The following WDR82 variants were observed in gnomAD, a reference collection of about 807,000 sequenced individuals.
The protein encoded by WDR82 is WD repeat domain 82.
A neutral mutation model predicts 36.1 loss-of-function variants in WDR82; 8 were observed. That is an observed-to-expected ratio of 0.22 (90% CI 0.13 to 0.40). The LOEUF (loss-of-function observed/expected upper bound fraction) is 0.40, where lower values mean the gene tolerates loss of function less well. Among genes scored for constraint, WDR82 ranks in the 10% least tolerant of loss-of-function variants. The probability of loss-of-function intolerance (pLI) is 1.00; values close to 1 mark genes in which losing one functional copy is unlikely to be tolerated. For missense variants in WDR82, 185 were observed against 400.5 expected (o/e 0.46, Z 4.59); for synonymous variants, 129 against 137.8 (o/e 0.94, Z 0.45).
In WDR82 at chr3:52,278,191, C is replaced by T; in HGVS notation, c.161+10G>A. The T allele has an allele frequency of 6.3e-7, 1 of 1,588,754 alleles. No homozygotes were observed. Among genetic ancestry groups the T allele is most frequent in the East Asian group, 2.4e-5 (1 of 41,976 alleles). ...CTGAGACTCGGGCCCAGGGCCTCCG[C>T]CGCACTCACTTGCCCTCCTGGCAGT... is the stretch of plus-strand genomic sequence containing the variant. On this transcript the variant is annotated intron_variant, in intron 1 of 8. Transcript: ENST00000296490.
intron 1 of WDR82, among the ~76,000 whole-genome samples, chr3:52,272,323 T>A (rs1477059170): frequency 6.6e-6 from 1 of 151,890 alleles, no homozygotes; most frequent in African/African-American, 2.4e-5. Context: ...GAGGGTGGAT[T>A]GCCTGAGGTC....
chr3:52,260,451 C>A lies in WDR82; in HGVS notation c.477G>T (p.Gly159=). Residue 159 remains glycine, a synonymous_variant, in exon 5 of 9, where the codon GGG becomes GGT. Coordinates refer to ENST00000296490, the MANE Select transcript of WDR82 (RefSeq NM_025222.4). ...AGTTGACACCTGCAGCGAAAATTAACCCTTCTGGATCAAAAGAACAAACTG... is the reference window on the plus strand; with the variant it reads ...AGTTGACACCTGCAGCGAAAATTAAACCTTCTGGATCAAAAGAACAAACTG... ...GKPVCSFDPE[G]LIFAAGVNSE... 6.3e-7 allele frequency: 1 copy of A among 1,593,668 alleles called. No individual in the cohort carries two copies. Among genetic ancestry groups the A allele is most frequent in the Non-Finnish European group, 8.5e-7 (1 of 1,172,992 alleles).
chr3:52,278,009 G>A, intron 1 of WDR82, 192 bp downstream of exon 1: 1 of 453,624 alleles, frequency 2.2e-6, no homozygotes, highest in South Asian at 4.5e-5. Context: ...TATGACTATC[G>A]TTATCTTTTT....
rs1300096078 is a variant in WDR82, at chr3:52,278,602, C to G, written c.-241G>C. On this transcript the variant is annotated 5_prime_UTR_variant, in exon 1 of 9. Transcript: ENST00000296490. ...GCCACCTCACGGACAACCGGCGCGT[C>G]GCCGGCTCATTGTGTCCGCCATTTT... is the stretch of plus-strand genomic sequence containing the variant. 3.2e-5 allele frequency: 13 copies of G among 402,896 alleles called. No homozygotes were observed. Among genetic ancestry groups the G allele is most frequent in the Non-Finnish European group, 5.2e-5 (12 of 230,428 alleles). 25.0% of individuals were successfully genotyped at this position (402,896 alleles called of 1,614,324 possible).
intron 3 of WDR82, among the ~76,000 whole-genome samples, chr3:52,262,663 A>G (rs1457086765): frequency 6.6e-6 from 1 of 152,234 alleles, no homozygotes; most frequent in Non-Finnish European, 1.5e-5. Context: ...GCTAACAGCA[A>G]CTGTATTCCT....
chr3:52,266,575 T>C (rs1395475084), intron 3 of WDR82, among the ~76,000 whole-genome samples: 2 of 152,094 alleles, frequency 1.3e-5, no homozygotes, highest in African/African-American at 2.4e-5. Context: ...GTAGCTGGGA[T>C]TGCAGGTGTC....
Position 52,278,527 on chromosome 3 carries a change from G to C in WDR82, c.-166C>G, listed in dbSNP as rs1312597665. 1.8e-6 allele frequency: 1 copy of C among 541,554 alleles called. No homozygotes were observed. The highest frequency in any genetic ancestry group is 2.0e-5 in the African/African-American group (1 of 51,126). The allele number at this position is 541,554 out of a possible 1,614,324, so 33.5% of individuals were successfully genotyped here. A position where few individuals can be genotyped will look rare whatever the true frequency, so the allele number is the denominator to read the frequency against. On this transcript the variant is annotated 5_prime_UTR_variant, in exon 1 of 9. Coordinates refer to ENST00000296490, the MANE Select transcript of WDR82 (RefSeq NM_025222.4). ...CTCCTCCTCTTCTTCCTGCTTGGTC[G>C]AGGGTCTTCTGCCTGGACTGTGGAG...
Position 52,258,482 on chromosome 3 carries a change from C to G in WDR82, c.912+54G>C, listed in dbSNP as rs1174746822. 6.2e-6 allele frequency: 10 copies of G among 1,607,978 alleles called. No individual in the cohort carries two copies. In the African/African-American group the frequency reaches 9.4e-5, roughly 15 times the overall value. ...TTGCTGTGCTTGTTGAGGCACCCAC[C>G]ACCCCAACTGGGAAGGGTCCCTGAG... On this transcript the variant is annotated intron_variant, in intron 8 of 8. Coordinates refer to ENST00000296490, the MANE Select transcript of WDR82 (RefSeq NM_025222.4).
chr3:52,260,605 G>A (rs1700052842), intron 4 of WDR82, 104 bp from the exon 5 acceptor site: 1 of 671,200 alleles, frequency 1.5e-6, no homozygotes, highest in Non-Finnish European at 2.4e-6. Flanking sequence ...ATGAATCCAG[G>A]ACCTTACCAC....
At chr3:52,276,091 C>G (rs528969977) in intron 1 of WDR82, among the ~76,000 whole-genome samples, 26 of 152,076 alleles carry the variant, frequency 1.7e-4, no homozygotes, top group African/African-American at 5.8e-4. Context: ...AAAAATGCTA[C>G]GAGTAAATAA....
chr3:52,272,564 T>C lies in WDR82; in HGVS notation c.162-1755A>G, dbSNP rs554821052. Among the ~76,000 whole-genome samples the C allele has an allele frequency of 3.8e-5, 5 of 133,326 alleles. No homozygotes were observed. In the East Asian group the frequency reaches 1.0e-3, roughly 27 times the overall value. 87.5% of individuals were successfully genotyped at this position (133,326 alleles called of 152,430 possible). A position where few individuals can be genotyped will look rare whatever the true frequency, so the allele number is the denominator to read the frequency against. The stretch of plus-strand genomic sequence containing the variant: ...ATCTCAAAAAAAAAAAAAAGAAAAA[T>C]AAAAATTTGAGACTTAAATATCTAT... On this transcript the variant is annotated intron_variant, in intron 1 of 8. Transcript: ENST00000296490.
rs1411523163 is a variant in WDR82, at chr3:52,255,166, T to G, written c.*2324A>C. 6 of 152,094 alleles carry G rather than the reference T, an allele frequency of 3.9e-5. No individual in the cohort carries two copies. The highest frequency in any genetic ancestry group is 1.4e-4 in the African/African-American group (6 of 41,384). The allele number at this position is 152,094 out of a possible 1,614,324, so 9.4% of individuals were successfully genotyped here. ...CATGTTGGTCAGGCTGGTCTCAAAC[T>G]CCCGACCTCCGGTGATCCGCCCGCC... On this transcript the variant is annotated 3_prime_UTR_variant, in exon 9 of 9. Coordinates refer to ENST00000296490, the MANE Select transcript of WDR82 (RefSeq NM_025222.4).
At chr3:52,270,177 T>C (rs994713657) in intron 2 of WDR82, among the ~76,000 whole-genome samples, 26 of 152,234 alleles carry the variant, frequency 1.7e-4, no homozygotes, top group African/African-American at 5.8e-4. Flanking sequence ...TGGAGTGCAA[T>C]GGCGTGATCT....
At chr3:52,275,607 C>T (rs1301295317) in intron 1 of WDR82, among the ~76,000 whole-genome samples, 1 of 152,098 alleles carries the variant, frequency 6.6e-6, no homozygotes, top group Non-Finnish European at 1.5e-5. Flanking sequence ...CACGTTGAGC[C>T]GGGCGCAGTG....
intron 1 of WDR82, among the ~76,000 whole-genome samples, chr3:52,275,181 A>T (rs1463485087): frequency 6.6e-6 from 1 of 152,194 alleles, no homozygotes; most frequent in Non-Finnish European, 1.5e-5. Flanking sequence ...AGATGGAGCC[A>T]CTGCACTCCA....
intron 8 of WDR82, 138 bp from the exon 9 acceptor site, chr3:52,257,657 G>C: frequency 1.2e-6 from 1 of 861,110 alleles, no homozygotes; most frequent in Admixed American, 2.1e-5. Flanking sequence ...AACCAACCCC[G>C]ATGCTCTAAG....
intron 7 of WDR82, 128 bp downstream of exon 7, chr3:52,259,069 G>T (rs1700037146): frequency 9.2e-7 from 1 of 1,092,308 alleles, no homozygotes; most frequent in South Asian, 1.5e-5. Flanking sequence ...TATGTCCTTG[G>T]CATAATGTGC....
intron 1 of WDR82, 118 bp downstream of exon 1, chr3:52,278,083 G>C (rs1032389169): frequency 1.0e-5 from 12 of 1,143,764 alleles, no homozygotes; most frequent in South Asian, 2.1e-5. Flanking sequence ...GCCCTGGCAG[G>C]AACGCGTGCA....
intron 2 of WDR82, chr3:52,268,160 T>G (rs565187108): frequency 3.2e-6 from 1 of 315,464 alleles, no homozygotes; most frequent in Admixed American, 4.1e-5. Context: ...ATTCTACTGC[T>G]AACAATGACT....
Sources: allele counts gnomAD v4.1 joint callset (sites outside exome capture counted in the v4.1 genomes callset), GRCh38; gene constraint gnomAD v4.1.1; transcripts MANE v1.5; gene names NCBI Gene and HGNC (gene_info 2026-07-23, HGNC 2026-07-21).